Variants in COMMD10 observed in about 807,000 individuals in gnomAD.
COMMD10 encodes the protein COMM domain-containing protein 10.
Under a neutral mutation model 28.9 loss-of-function variants are expected in COMMD10, and 33 were observed. That is an observed-to-expected ratio of 1.14 (90% CI 0.87 to 1.53). The LOEUF (loss-of-function observed/expected upper bound fraction) is 1.53, where lower values mean the gene tolerates loss of function less well. COMMD10 is among the 40% of genes most tolerant of loss of function. The probability of loss-of-function intolerance (pLI) is 0.00; values close to 1 mark genes in which losing one functional copy is unlikely to be tolerated. For missense variants in COMMD10, 310 were observed against 233.4 expected (o/e 1.33, Z -2.14); for synonymous variants, 110 against 81.7 (o/e 1.35, Z -1.87).
intron 5 of COMMD10, among the ~76,000 whole-genome samples, chr5:116,278,284 C>T (rs977142438): frequency 6.6e-6 from 1 of 151,750 alleles, no homozygotes; most frequent in Non-Finnish European, 1.5e-5. Flanking sequence ...ATATTCAAAA[C>T]CTCTTAACTT....
At chr5:116,263,312 A>T (rs1021457272) in intron 5 of COMMD10, among the ~76,000 whole-genome samples, 13 of 151,870 alleles carry the variant, frequency 8.6e-5, no homozygotes, top group African/African-American at 3.2e-4. Context: ...TTCTCATCAG[A>T]TGGGTTTTAT....
intron 5 of COMMD10, among the ~76,000 whole-genome samples, chr5:116,270,111 TTTC>T (rs1750715257): frequency 6.6e-6 from 1 of 151,894 alleles, no homozygotes; most frequent in South Asian, 2.1e-4. Context: ...TTGTCCATTG[TTTC>T]TTATTTCCTA....
At chr5:116,143,776 G>T (rs1466144021) in intron 5 of COMMD10, among the ~76,000 whole-genome samples, 2 of 151,844 alleles carry the variant, frequency 1.3e-5, no homozygotes, top group Non-Finnish European at 1.5e-5. Context: ...TAAACATCTT[G>T]AATTCAGTTC....
At chr5:116,238,555 C>A (rs555318821) in intron 5 of COMMD10, among the ~76,000 whole-genome samples, 5 of 152,128 alleles carry the variant, frequency 3.3e-5, no homozygotes, top group South Asian at 2.1e-4. Context: ...TAAGTAAGTA[C>A]CCTCTGTGCC....
chr5:116,194,794 G>T (rs1310094874), intron 5 of COMMD10, among the ~76,000 whole-genome samples: 1 of 151,912 alleles, frequency 6.6e-6, no homozygotes, highest in East Asian at 1.9e-4. Context: ...TAAAGAAGGA[G>T]CCCTTCCTAA....
intron 5 of COMMD10, among the ~76,000 whole-genome samples, chr5:116,280,599 ACATGTTACT>A (rs1228808463): frequency 2.0e-5 from 3 of 151,812 alleles, no homozygotes; most frequent in Non-Finnish European, 4.4e-5. Context: ...CTCGGGCAGC[ACATGTTACT>A]CTTAAATGTT....
intron 5 of COMMD10, among the ~76,000 whole-genome samples, chr5:116,267,585 T>C (rs1750620556): frequency 6.6e-6 from 1 of 151,862 alleles, no homozygotes; most frequent in Non-Finnish European, 1.5e-5. Flanking sequence ...CTTCACAGAA[T>C]TGGAAAAAAC....
chr5:116,096,477 G>T (rs193173982), intron 4 of COMMD10, among the ~76,000 whole-genome samples: 1 of 151,854 alleles, frequency 6.6e-6, no homozygotes, highest in African/African-American at 2.4e-5. Flanking sequence ...ATTAGTTTTA[G>T]CAGCTTTCTT....
chr5:116,129,130 C>T (rs1296338662), intron 4 of COMMD10, among the ~76,000 whole-genome samples: 1 of 151,720 alleles, frequency 6.6e-6, no homozygotes, highest in Non-Finnish European at 1.5e-5. Context: ...CTTGATTGAA[C>T]TTCTTGTAAC....
At position 116,151,449 on chromosome 5, in the gene COMMD10, C is replaced by T. The variant is rs570333664; in HGVS notation, c.510+17271C>T. On this transcript the variant is annotated intron_variant, in intron 5 of 6. Coordinates refer to ENST00000274458, the MANE Select transcript of COMMD10 (RefSeq NM_016144.4). ...AGAAGGAGTGGTACCAGTTCCTCCT[C>T]GTACCTCTGGTAGAATTCGGCTGTG... Among the ~76,000 whole-genome samples, 424 of 151,534 alleles carry T rather than the reference C, an allele frequency of 2.8e-3. 1 individual carries two copies. The highest frequency in any genetic ancestry group is 4.0e-3 in the Non-Finnish European group (273 of 67,558).
intron 5 of COMMD10, among the ~76,000 whole-genome samples, chr5:116,136,252 C>A (rs1267848688): frequency 6.6e-6 from 1 of 152,108 alleles, no homozygotes; most frequent in East Asian, 1.9e-4. Flanking sequence ...TGAAAAGTCC[C>A]TTTTGTTTCT....
intron 5 of COMMD10, among the ~76,000 whole-genome samples, chr5:116,214,422 G>C (rs939458548): frequency 6.6e-6 from 1 of 152,020 alleles, no homozygotes; most frequent in African/African-American, 2.4e-5. Flanking sequence ...AAGCACATTG[G>C]TTATGTTAAT....
intron 5 of COMMD10, among the ~76,000 whole-genome samples, chr5:116,203,505 C>T (rs1748727946): frequency 2.0e-5 from 3 of 151,992 alleles, no homozygotes; most frequent in Middle Eastern, 3.4e-3. Context: ...GTCGGGTTAC[C>T]CACAAAGGGA....
At chr5:116,147,562 A>G (rs1024147498) in intron 5 of COMMD10, among the ~76,000 whole-genome samples, 1 of 151,868 alleles carries the variant, frequency 6.6e-6, no homozygotes, top group Non-Finnish European at 1.5e-5. Context: ...TATAGTCAGT[A>G]ACTGCTATTA....
intron 4 of COMMD10, among the ~76,000 whole-genome samples, chr5:116,096,977 G>A (rs141056275): frequency 1.2e-3 from 180 of 151,272 alleles, no homozygotes; most frequent in African/African-American, 4.1e-3. Context: ...TATACAGTCC[G>A]TTTTTTTCCT....
intron 4 of COMMD10, among the ~76,000 whole-genome samples, chr5:116,120,749 C>CTT (rs34397720): frequency 6.8e-6 from 1 of 146,728 alleles, no homozygotes. Flanking sequence ...TGTATTAGTA[C>CTT]TTTTTTTTTT....
At position 116,112,428 on chromosome 5, in the gene COMMD10, C is replaced by T. The variant is rs114456093; in HGVS notation, c.399+19728C>T. On this transcript the variant is annotated intron_variant, in intron 4 of 6. Transcript: ENST00000274458. ...TTTCTTTTTTTTTGAGATGGAGTCGCGTGCTGTCGCCAAGCTGGAGTGCAG... is the reference window on the plus strand; with the variant it reads ...TTTCTTTTTTTTTGAGATGGAGTCGTGTGCTGTCGCCAAGCTGGAGTGCAG... Among the ~76,000 whole-genome samples the T allele has an allele frequency of 5.0e-3, 759 of 151,832 alleles. 8 individuals are homozygous for T. The highest frequency in any genetic ancestry group is 5.2e-3 in the African/African-American group (215 of 41,364).
intron 5 of COMMD10, among the ~76,000 whole-genome samples, chr5:116,240,238 G>GA (rs1391449958): frequency 6.6e-6 from 1 of 151,704 alleles, no homozygotes; most frequent in Non-Finnish European, 1.5e-5. Flanking sequence ...TAACAAAAAA[G>GA]AAAAAAGATG....
intron 5 of COMMD10, among the ~76,000 whole-genome samples, chr5:116,173,293 C>G (rs1408412199): frequency 6.6e-6 from 1 of 151,914 alleles, no homozygotes; most frequent in Non-Finnish European, 1.5e-5. Flanking sequence ...GATATATCAG[C>G]GTTATTTCTA....
Sources: gnomAD v4.1 joint callset for allele counts (sites outside exome capture counted in the v4.1 genomes callset) on GRCh38, gnomAD v4.1.1 for gene constraint, MANE v1.5 for transcripts, NCBI Gene and HGNC (gene_info 2026-07-23, HGNC 2026-07-21) for gene names.